The following RHBDL2 variants were observed in gnomAD, a reference collection of about 807,000 sequenced individuals.
RHBDL2 encodes the protein rhomboid like 2.
RHBDL2 carries 26 observed loss-of-function variants against 31.7 expected under a neutral mutation model. That is an observed-to-expected ratio of 0.82 (90% CI 0.60 to 1.14). RHBDL2 has a LOEUF of 1.14. Ranked by LOEUF, RHBDL2 falls within the 50% of genes most tolerant of loss-of-function variation. The pLI is 0.00. For missense variants in RHBDL2, 336 were observed against 364.4 expected (o/e 0.92, Z 0.63); for synonymous variants, 123 against 127.2 (o/e 0.97, Z 0.22).
intron 4 of RHBDL2, among the ~76,000 whole-genome samples, chr1:38,904,684 T>C (rs548398788): frequency 1.4e-5 from 2 of 147,428 alleles, no homozygotes; most frequent in Non-Finnish European, 3.0e-5. Context: ...AAAATACATA[T>C]ATATTTATAT....
At chr1:38,932,304 G>A (rs1369218173) in intron 1 of RHBDL2, among the ~76,000 whole-genome samples, 1 of 152,086 alleles carries the variant, frequency 6.6e-6, no homozygotes, top group Non-Finnish European at 1.5e-5. Flanking sequence ...CCTATGAATG[G>A]AACCTTCTTG....
At chr1:38,906,069 A>G (rs1351585959) in intron 4 of RHBDL2, among the ~76,000 whole-genome samples, 1 of 151,432 alleles carries the variant, frequency 6.6e-6, no homozygotes, top group African/African-American at 2.4e-5. Context: ...TCCAACTCAA[A>G]AAAAAAAAAA....
At chr1:38,902,611 G>T (rs6600452) in intron 4 of RHBDL2, among the ~76,000 whole-genome samples, 9 of 151,510 alleles carry the variant, frequency 5.9e-5, no homozygotes, top group East Asian at 1.9e-4. Context: ...TAATAGAGAC[G>T]GGGTTTCACC....
At chr1:38,916,980 A>C (rs918813196) in intron 2 of RHBDL2, among the ~76,000 whole-genome samples, 2 of 151,570 alleles carry the variant, frequency 1.3e-5, no homozygotes, top group Non-Finnish European at 2.9e-5. Flanking sequence ...GGATATAAAC[A>C]ATGGGAGAAA....
At chr1:38,937,688 A>C (rs1444727512) in intron 1 of RHBDL2, among the ~76,000 whole-genome samples, 1 of 151,780 alleles carries the variant, frequency 6.6e-6, no homozygotes, top group African/African-American at 2.4e-5. Flanking sequence ...GCTCTCTGGC[A>C]TAAGAAAGCA....
At chr1:38,931,255 C>A (rs1389076625) in intron 1 of RHBDL2, among the ~76,000 whole-genome samples, 1 of 152,194 alleles carries the variant, frequency 6.6e-6, no homozygotes, top group African/African-American at 2.4e-5. Flanking sequence ...GGCACTATGG[C>A]TCACGCCTGT....
chr1:38,916,605 C>G (rs9439093), intron 2 of RHBDL2, among the ~76,000 whole-genome samples: 102,810 of 151,800 alleles, frequency 0.68, 37,275 homozygotes, highest in Non-Finnish European at 0.82. Context: ...AGCCCTTTGG[C>G]GGGAGGCTGA....
At chr1:38,912,056 C>T (rs919129183) in intron 3 of RHBDL2, among the ~76,000 whole-genome samples, 4 of 152,074 alleles carry the variant, frequency 2.6e-5, no homozygotes, top group African/African-American at 9.7e-5. Context: ...ACTGCAACCT[C>T]CACCTTCTGA....
intron 1 of RHBDL2, among the ~76,000 whole-genome samples, chr1:38,922,674 GTGCTATAA>G (rs1045029675): frequency 1.4e-5 from 2 of 143,776 alleles, no homozygotes; most frequent in African/African-American, 2.6e-5. Context: ...CCAATACCTG[GTGCTATAA>G]TGCTCACAGG....
At chr1:38,935,866 G>A (rs987032114) in intron 1 of RHBDL2, among the ~76,000 whole-genome samples, 3 of 151,902 alleles carry the variant, frequency 2.0e-5, no homozygotes, top group African/African-American at 7.3e-5. Flanking sequence ...TGCCCACCTT[G>A]GCCCCCTGAA....
chr1:38,938,197 A>G (rs533801487), intron 1 of RHBDL2, among the ~76,000 whole-genome samples: 1 of 149,938 alleles, frequency 6.7e-6, no homozygotes, highest in East Asian at 2.0e-4. Flanking sequence ...TTTTTTTTTT[A>G]GTAGAGGTGG....
intron 1 of RHBDL2, 176 bp from the exon 2 acceptor site, chr1:38,919,513 C>T: frequency 2.9e-6 from 1 of 342,108 alleles, no homozygotes; most frequent in Non-Finnish European, 5.0e-6. Context: ...TAATTAAATT[C>T]TCCAAGCCTC....
Position 38,915,671 on chromosome 1 carries a change from T to G in RHBDL2, c.286A>C (p.Lys96Gln), listed in dbSNP as rs1230896314. 1 of 1,614,042 alleles carries G rather than the reference T, an allele frequency of 6.2e-7. No homozygotes were observed. The highest frequency in any genetic ancestry group is 1.1e-5 in the South Asian group (1 of 91,088). Residue 96 changes from lysine to glutamine, a missense_variant, in exon 3 of 8, where the codon AAA (lysine) becomes CAA (glutamine). Lys to Gln is a moderately conservative substitution (Grantham distance 53). Transcript: ENST00000372990. ...CCTGTGTCCAACGTGATCCACTGTT[T>G]CTGAGGCTTCCACACAGCATAGTAA... The part of the protein sequence containing the change: ...FIYYAVWKPQ[K>Q]QWITLDTGIL...
Position 38,886,580 on chromosome 1 carries a change from C to T in RHBDL2, c.836G>A (p.Trp279Ter), listed in dbSNP as rs191950848. Reference protein sequence around the residue: ...DKALLKDPRFWIAIAAYLACV... With the variant: ...DKALLKDPRF The stretch of plus-strand genomic sequence containing the variant: ...AGCTAAATATGCAGCAATTGCTATC[C>T]AAAACCTTGGATCTTTCAGCAGTGC... The change falls in exon 8 of 8, where the codon TGG becomes TAG. Residue 279 changes from tryptophan (W) to a stop codon, truncating the protein, a stop_gained. Transcript: ENST00000372990. LOFTEE classifies it high-confidence loss of function. 21 of 1,606,938 alleles carry T rather than the reference C, an allele frequency of 1.3e-5. No individual in the cohort carries two copies. In the Admixed American group the frequency reaches 2.7e-4, roughly 21 times the overall value.
chr1:38,918,942 G>C, intron 2 of RHBDL2, 25 bp downstream of exon 2: 30 of 1,600,750 alleles, frequency 1.9e-5, no homozygotes, highest in Non-Finnish European at 2.5e-5. Context: ...CACTTACCCC[G>C]GTGCCCACCC....
intron 2 of RHBDL2, among the ~76,000 whole-genome samples, chr1:38,916,149 G>A (rs1643232683): frequency 6.6e-6 from 1 of 152,204 alleles, no homozygotes; most frequent in Admixed American, 6.5e-5. Context: ...GGAGAGACCT[G>A]GCAAACCCTG....
intron 2 of RHBDL2, among the ~76,000 whole-genome samples, chr1:38,917,314 G>A (rs1310292871): frequency 6.6e-6 from 1 of 152,158 alleles, no homozygotes; most frequent in Non-Finnish European, 1.5e-5. Flanking sequence ...ACTGCGCCCG[G>A]CCTACAGGAA....
intron 4 of RHBDL2, among the ~76,000 whole-genome samples, chr1:38,901,869 TA>T (rs1642994977): frequency 6.7e-6 from 1 of 149,972 alleles, no homozygotes; most frequent in South Asian, 2.1e-4. Flanking sequence ...AATAAATAAA[TA>T]AAACAAAAAC....
intron 7 of RHBDL2, among the ~76,000 whole-genome samples, chr1:38,887,664 C>A (rs897246522): frequency 1.3e-5 from 2 of 152,052 alleles, no homozygotes; most frequent in Non-Finnish European, 2.9e-5. Flanking sequence ...ACCCTGTGAT[C>A]CGCCGATCTT....
Sources: gnomAD v4.1 joint callset for allele counts (sites outside exome capture counted in the v4.1 genomes callset) on GRCh38, gnomAD v4.1.1 for gene constraint, MANE v1.5 for transcripts, NCBI Gene and HGNC (gene_info 2026-07-23, HGNC 2026-07-21) for gene names.